The following PODNL1 variants were observed in gnomAD, a reference collection of about 807,000 sequenced individuals.
PODNL1 encodes the protein podocan-like protein 1.
PODNL1 carries 50 observed loss-of-function variants against 45.1 expected under a neutral mutation model. The observed-to-expected ratio is 1.11, with a 90% CI of 0.88 to 1.40. PODNL1 has a LOEUF of 1.40. Ranked by LOEUF, PODNL1 falls within the 40% of genes most tolerant of loss-of-function variation. The probability of loss-of-function intolerance (pLI) is 0.00; values close to 1 mark genes in which losing one functional copy is unlikely to be tolerated. For missense variants in PODNL1, 788 were observed against 793.3 expected, an observed-to-expected ratio of 0.99 and a Z score of 0.08; for synonymous variants, 406 against 372.5, an observed-to-expected ratio of 1.09 and a Z score of -1.04.
rs1375699696 is a variant in PODNL1, at chr19:13,932,999, C to G, written c.1224G>C (p.Leu408=). Residue 408 remains leucine, a synonymous_variant, in exon 8 of 10, where the codon CTG becomes CTC. Transcript: ENST00000588872. Reference sequence around the variant, plus strand: ...GCAGCCGGGTTAGCTGATTCCCTGCCAGGTCGAGGCTGCGCAGGGCACGCA... The same window carrying G: ...GCAGCCGGGTTAGCTGATTCCCTGCGAGGTCGAGGCTGCGCAGGGCACGCA... ...RRLRALRSLD[L]AGNQLTRLPM... 1 of 1,545,384 alleles carries G rather than the reference C, an allele frequency of 6.5e-7. No individual in the cohort carries two copies. Among genetic ancestry groups the G allele is most frequent in the South Asian group, 1.2e-5 (1 of 84,924 alleles).
chr19:13,934,498 AGTGTGTGTGTGTGTGTGTGTGTGTGT>A (rs767618376), intron 5 of PODNL1, 88 bp from the exon 6 acceptor site: 1 of 882,548 alleles, frequency 1.1e-6, no homozygotes, highest in Non-Finnish European at 1.5e-6. Flanking sequence ...GGTCGCCTTC[AGTGTGTGTGTGTGTGTGTGTGTGTGT>A]GTGCGCGCGC....
chr19:13,936,386 G>A lies in PODNL1; in HGVS notation c.300C>T (p.Asn100=), dbSNP rs540440360. The change falls in exon 3 of 10, where the codon AAC becomes AAT. Residue 100 remains asparagine, a synonymous_variant. Coordinates refer to ENST00000588872, the MANE Select transcript of PODNL1 (RefSeq NM_001370095.3). ...LSGLRTLNLH[N]NLISSEGLPD... Reference sequence around the variant, plus strand: ...CCTCACCTTCGGAGGAGATGAGGTTGTTGTGGAGGTTGAGGGTTCGCAGGC... The same window carrying A: ...CCTCACCTTCGGAGGAGATGAGGTTATTGTGGAGGTTGAGGGTTCGCAGGC... 6.2e-7 allele frequency: 1 copy of A among 1,613,230 alleles called. No homozygotes were observed. The highest frequency in any genetic ancestry group is 1.7e-5 in the Admixed American group (1 of 59,998).
At chr19:13,936,332 A>G (rs1314107905) in intron 3 of PODNL1, 35 bp downstream of exon 3, 3 of 1,563,498 alleles carry the variant, frequency 1.9e-6, no homozygotes, top group African/African-American at 1.4e-5. Context: ...TCAGTCCTAC[A>G]GCCCCAGAGA....
At chr19:13,941,827 T>C (rs1424234876), upstream of PODNL1, among the ~76,000 whole-genome samples, 1 of 152,046 alleles carries the variant, frequency 6.6e-6, no homozygotes, top group Non-Finnish European at 1.5e-5. Context: ...AAAAAAAAGT[T>C]AAGAAACATG....
upstream of PODNL1, among the ~76,000 whole-genome samples, chr19:13,940,584 A>AC (rs1296051378): frequency 4.7e-4 from 59 of 126,868 alleles, 1 homozygote; most frequent in Non-Finnish European, 2.9e-4. Flanking sequence ...AAAAAAAAAA[A>AC]AAAAAAACTT....
intron 8 of PODNL1, 86 bp downstream of exon 8, chr19:13,932,712 C>G: frequency 6.2e-7 from 1 of 1,606,162 alleles, no homozygotes; most frequent in South Asian, 1.1e-5. Flanking sequence ...GCTTTACCAG[C>G]TAACTAGAAT....
intron 6 of PODNL1, 70 bp from the exon 7 acceptor site, chr19:13,934,063 G>C: frequency 3.5e-6 from 5 of 1,434,218 alleles, no homozygotes. Flanking sequence ...GACGGCTCTT[G>C]AGTAAGGGAG....
In PODNL1 at chr19:13,938,289, T is replaced by C; in HGVS notation, c.-108A>G. 6.8e-7 allele frequency: 1 copy of C among 1,476,494 alleles called. No homozygotes were observed. Among genetic ancestry groups the C allele is most frequent in the Non-Finnish European group, 9.0e-7 (1 of 1,109,766 alleles). The allele number at this position is 1,476,494 out of a possible 1,614,324, so 91.5% of individuals were successfully genotyped here. On this transcript the variant is annotated 5_prime_UTR_variant, in exon 1 of 10. The change abolishes an upstream ATG in the 5' untranslated region. Coordinates refer to ENST00000588872, the MANE Select transcript of PODNL1 (RefSeq NM_001370095.3). Reference sequence around the variant, plus strand: ...CTGCTGTGGCCACCACCGCCCCCCATCTCCAGACCCATGCCACCCCCCACA... The same window carrying C: ...CTGCTGTGGCCACCACCGCCCCCCACCTCCAGACCCATGCCACCCCCCACA...
upstream of PODNL1, among the ~76,000 whole-genome samples, chr19:13,940,570 C>CAA (rs759568554): frequency 5.9e-3 from 484 of 82,468 alleles, 6 homozygotes; most frequent in Non-Finnish European, 6.6e-3. Flanking sequence ...GACTCCGTCT[C>CAA]AAAAAAAAAA....
At chr19:13,953,210 C>T in exon 1 of PODNL1, 1 of 1,400,550 alleles carries the variant, frequency 7.1e-7, no homozygotes, top group South Asian at 1.4e-5. Flanking sequence ...CAGGCTCTGT[C>T]TCCTCCATCA....
intron 1 of PODNL1, chr19:13,953,052 C>G (rs1442155089): frequency 1.3e-6 from 2 of 1,536,276 alleles, no homozygotes; most frequent in African/African-American, 2.8e-5. Context: ...TGGCTTTGGG[C>G]TTCCTCCGCC....
chr19:13,935,657 C>T (rs1972291583), intron 5 of PODNL1, 64 bp downstream of exon 5: 2 of 1,274,804 alleles, frequency 1.6e-6, no homozygotes, highest in Non-Finnish European at 2.1e-6. Context: ...CTCATTGCTC[C>T]TAGAACCGGG....
chr19:13,933,312 C>T lies in PODNL1; in HGVS notation c.911G>A (p.Arg304His), dbSNP rs1016688224. The T allele has an allele frequency of 1.6e-5, 25 of 1,592,476 alleles. 1 individual carries two copies. The highest frequency in any genetic ancestry group is 4.0e-5 in the African/African-American group (3 of 74,726). Residue 304 changes from arginine to histidine, a missense_variant, in exon 8 of 10, where the codon CGT becomes CAT. By Grantham distance (29) the Arg-to-His change is conservative. Around this residue, in one of 3 missense-constraint regions of PODNL1, gnomAD observed 762 missense variants for 750.9 expected, o/e 1.01. Coordinates refer to ENST00000588872, the MANE Select transcript of PODNL1 (RefSeq NM_001370095.3). This position sits in a 1 kb window ranked among gnomAD's most constrained non-coding sequence, Gnocchi z 5.2. ...CTGCAGCAACAAATAGCGCAGACCA[C>T]GCGCCCCGTGCAGCCGAGCCGCCTC... ...QVEAARLHGARGLRYLLLQHN... is the reference protein window; with the variant it reads ...QVEAARLHGAHGLRYLLLQHN...
chr19:13,953,232 C>G, exon 1 of PODNL1: 1 of 1,225,400 alleles, frequency 8.2e-7, no homozygotes, highest in Non-Finnish European at 1.1e-6. Flanking sequence ...ACTGGAAACT[C>G]CCAGAGCTGG....
At chr19:13,944,762 G>GT (rs1237194308) in intron 1 of PODNL1, among the ~76,000 whole-genome samples, 12 of 149,034 alleles carry the variant, frequency 8.1e-5, no homozygotes, top group African/African-American at 2.2e-4. Flanking sequence ...GCCTGTTTGG[G>GT]GTTTTTTTTT....
chr19:13,941,106 C>T (rs574599251), upstream of PODNL1, among the ~76,000 whole-genome samples: 193 of 152,146 alleles, frequency 1.3e-3, 2 homozygotes, highest in African/African-American at 4.4e-3. Flanking sequence ...TGGCTCACAC[C>T]TGTAATCCCA....
chr19:13,933,074 G>A lies in PODNL1; in HGVS notation c.1149C>T (p.Ala383=). ...CACGGGCGCTGGCCAGGCGGTTATA[G>A]GCCAGGTTAAGCTCCGTCAGGCCCG... is the stretch of plus-strand genomic sequence containing the variant. ...ATPGLTELNL[A]YNRLASARVH... is the part of the protein sequence containing the mutation. Residue 383 remains alanine (A), a synonymous_variant, in exon 8 of 10, where the codon GCC becomes GCT. Transcript: ENST00000588872. This position sits in a 1 kb window ranked among gnomAD's most constrained non-coding sequence, Gnocchi z 5.2. 3 of 1,534,300 alleles carry A rather than the reference G, an allele frequency of 2.0e-6. No homozygotes were observed. Among genetic ancestry groups the A allele is most frequent in the Non-Finnish European group, 2.6e-6 (3 of 1,145,120 alleles).
intron 1 of PODNL1, among the ~76,000 whole-genome samples, chr19:13,951,362 G>A (rs1568446195): frequency 6.6e-6 from 1 of 152,130 alleles, no homozygotes; most frequent in African/African-American, 2.4e-5. Flanking sequence ...CTGGCCAGGG[G>A]TGGGGGCTCA....
At chr19:13,934,118 G>A in intron 6 of PODNL1, 125 bp from the exon 7 acceptor site, 1 of 1,367,560 alleles carries the variant, frequency 7.3e-7, no homozygotes, top group Non-Finnish European at 1.0e-6. Context: ...CCAATAAAGT[G>A]ATTCAAAGAA....
Sources: allele counts gnomAD v4.1 joint callset (sites outside exome capture counted in the v4.1 genomes callset), GRCh38; gene constraint gnomAD v4.1.1; regional missense constraint gnomAD v4.1.1; non-coding constraint Gnocchi (gnomAD v3.1); transcripts MANE v1.5; gene names NCBI Gene and HGNC (gene_info 2026-07-23, HGNC 2026-07-21).